The following NMD3 variants were observed in gnomAD, a reference collection of about 807,000 sequenced individuals.
The protein encoded by NMD3 is NMD3 ribosome export adaptor.
Under a neutral mutation model 73.1 loss-of-function variants are expected in NMD3, and 47 were observed. The ratio of observed to expected loss-of-function variants is 0.64; its 90% CI spans 0.51 to 0.82. NMD3 has a LOEUF of 0.82. Among genes scored for constraint, NMD3 ranks in the 40% least tolerant of loss-of-function variants. The probability of loss-of-function intolerance (pLI) is 0.00; values close to 1 mark genes in which losing one functional copy is unlikely to be tolerated. For missense variants in NMD3, 554 were observed against 612.5 expected, an observed-to-expected ratio of 0.90 and a Z score of 1.01; for synonymous variants, 210 against 194.5, an observed-to-expected ratio of 1.08 and a Z score of -0.66.
intron 7 of NMD3, among the ~76,000 whole-genome samples, chr3:161,237,418 A>G (rs1029816296): frequency 6.6e-6 from 1 of 151,326 alleles, no homozygotes; most frequent in South Asian, 2.1e-4. Flanking sequence ...CAATGATTGT[A>G]TGTGTTAATA....
chr3:161,233,877 G>A (rs1736636536), intron 5 of NMD3, among the ~76,000 whole-genome samples: 1 of 152,062 alleles, frequency 6.6e-6, no homozygotes, highest in Non-Finnish European at 1.5e-5. Context: ...TCAGATTTTG[G>A]ATTTTTTGGA....
chr3:161,234,979 A>C (rs1736699660), intron 6 of NMD3, 124 bp downstream of exon 6: 10 of 1,010,896 alleles, frequency 9.9e-6, no homozygotes, highest in Non-Finnish European at 1.5e-5. Context: ...TTGGAAATAG[A>C]TCATTATTAC....
chr3:161,227,699 G>A (rs970831578), intron 4 of NMD3, among the ~76,000 whole-genome samples: 4 of 151,684 alleles, frequency 2.6e-5, no homozygotes, highest in South Asian at 2.1e-4. Flanking sequence ...TGCCTGCCTC[G>A]GCCTCCCAAA....
At chr3:161,242,388 A>C in intron 10 of NMD3, 120 bp from the exon 11 acceptor site, 1 of 826,584 alleles carries the variant, frequency 1.2e-6, no homozygotes, top group Non-Finnish European at 1.9e-6. Context: ...GTGAGTTGAC[A>C]CTAGTTCTGT....
At chr3:161,252,755 A>AT (rs755323261), downstream of NMD3, 1,734 of 642,194 alleles carry the variant, frequency 2.7e-3, 2 homozygotes, top group South Asian at 5.1e-3. Context: ...CATTATGACC[A>AT]TTTTTTTTTG....
chr3:161,238,064 A>G (rs1736831216), intron 7 of NMD3, 49 bp from the exon 8 acceptor site: 2 of 1,236,510 alleles, frequency 1.6e-6, no homozygotes, highest in African/African-American at 1.5e-5. Flanking sequence ...GTAGAGGAGA[A>G]TCCTATTTTG....
chr3:161,242,579 G>C lies in NMD3; in HGVS notation c.943G>C (p.Glu315Gln), dbSNP rs1244057360. ...TTTATGTCATCCCAAACAGCTAGAG[G>C]AGTTTATTGTGATGGAATGCAGCAT... is the stretch of plus-strand genomic sequence containing the variant. ...NSLCHPKQLE[E>Q]FIVMECSIVQ... Residue 315 changes from glutamate (E) to glutamine (Q), a missense_variant, in exon 11 of 16, where the codon GAG becomes CAG. Transcript: ENST00000351193. 2 of 1,613,438 alleles carry C rather than the reference G, an allele frequency of 1.2e-6. No individual in the cohort carries two copies. The highest frequency in any genetic ancestry group is 1.1e-5 in the South Asian group (1 of 91,044).
At position 161,225,836 on chromosome 3, in the gene NMD3, G is replaced by A. The variant is rs145411421; in HGVS notation, c.179+772G>A. 4.3e-3 allele frequency among the ~76,000 whole-genome samples: 649 copies of A among 151,946 alleles called. 5 individuals carry two copies. Among genetic ancestry groups the A allele is most frequent in the African/African-American group, 0.015 (626 of 41,406 alleles). On this transcript the variant is annotated intron_variant, in intron 3 of 15. Transcript: ENST00000351193. ...TACATGTATATATATGTGTGTGTGT[G>A]TGTATATATGTAAAAATATATATGT...
At chr3:161,228,064 A>T (rs1358157918) in intron 4 of NMD3, among the ~76,000 whole-genome samples, 4 of 115,604 alleles carry the variant, frequency 3.5e-5, no homozygotes, top group Non-Finnish European at 5.9e-5. Flanking sequence ...TAAATGTATT[A>T]AAAAAAATAG....
rs772898438 is a variant in NMD3 at position 161,246,443 on chromosome 3, G to T, written c.1125G>T (p.Val375=). ...ATCTTCTAAATCCCGGAGACCTGGT[G>T]TTAGGGTTTGTATTATTTCATATTT... ...LGHLLNPGDL[V]LGFDLANCNL... The change falls in exon 12 of 16, where the codon GTG becomes GTT. Residue 375 remains valine, a synonymous_variant. Coordinates refer to ENST00000351193, the MANE Select transcript of NMD3 (RefSeq NM_015938.5). The T allele has an allele frequency of 2.1e-6, 3 of 1,405,528 alleles. No individual in the cohort carries two copies. The East Asian group carries it at 7.0e-5, about 33-fold the overall frequency. 87.1% of individuals were successfully genotyped at this position (1,405,528 alleles called of 1,614,324 possible).
At chr3:161,235,427 A>G (rs1736721118) in intron 7 of NMD3, 1 of 318,608 alleles carries the variant, frequency 3.1e-6, no homozygotes, top group African/African-American at 2.2e-5. Flanking sequence ...AAATGTGGCT[A>G]GAGCAACTGA....
At chr3:161,242,197 A>G (rs1737009954) in intron 10 of NMD3, among the ~76,000 whole-genome samples, 2 of 152,160 alleles carry the variant, frequency 1.3e-5, no homozygotes, top group South Asian at 4.1e-4. Flanking sequence ...TTTCTAAAAT[A>G]AAGTGCCAGC....
At chr3:161,234,939 G>T in intron 6 of NMD3, 84 bp downstream of exon 6, 1 of 1,384,766 alleles carries the variant, frequency 7.2e-7, no homozygotes, top group Non-Finnish European at 1.0e-6. Flanking sequence ...CTAAATCCAG[G>T]GATAGTCTGG....
intron 7 of NMD3, among the ~76,000 whole-genome samples, chr3:161,236,619 G>A (rs1009004996): frequency 2.0e-5 from 3 of 152,036 alleles, no homozygotes; most frequent in African/African-American, 7.2e-5. Flanking sequence ...TGGTTTTGGG[G>A]TTATGCTTAA....
At chr3:161,245,749 C>CTA (rs1164401391) in intron 11 of NMD3, among the ~76,000 whole-genome samples, 2 of 151,384 alleles carry the variant, frequency 1.3e-5, no homozygotes, top group Non-Finnish European at 1.5e-5. Context: ...GTTGTTTCTG[C>CTA]TATATATATA....
In NMD3 at chr3:161,251,102, A is replaced by T; in HGVS notation, c.*192A>T. 1 of 442,872 alleles carries T rather than the reference A, an allele frequency of 2.3e-6. No individual in the cohort carries two copies. Among genetic ancestry groups the T allele is most frequent in the Non-Finnish European group, 4.1e-6 (1 of 246,594 alleles). 27.4% of individuals were successfully genotyped at this position (442,872 alleles called of 1,614,324 possible). ...TAGCTTTGAGGTTTTAGATAAGGAA[A>T]GATTATGGAGAATGTAGTTGTTATT... is the stretch of plus-strand genomic sequence containing the variant. On this transcript the variant is annotated 3_prime_UTR_variant, in exon 16 of 16. Coordinates refer to ENST00000351193, the MANE Select transcript of NMD3 (RefSeq NM_015938.5).
chr3:161,229,347 A>G (rs56174161), intron 4 of NMD3, among the ~76,000 whole-genome samples: 11,099 of 152,264 alleles, frequency 0.073, 620 homozygotes, highest in South Asian at 0.18. Context: ...TGGATCAGCA[A>G]TGGAGGTGGT....
At chr3:161,229,142 G>T (rs1172975654) in intron 4 of NMD3, among the ~76,000 whole-genome samples, 2 of 152,210 alleles carry the variant, frequency 1.3e-5, no homozygotes, top group East Asian at 3.8e-4. Context: ...AAAAGTCATG[G>T]AAGGCCACAG....
In NMD3 at chr3:161,242,495, T is replaced by TA. The variant is rs745945763; in HGVS notation, c.872-13_872-12insA. 6.2e-7 allele frequency: 1 copy of TA among 1,608,090 alleles called. No homozygotes were observed. Among genetic ancestry groups the TA allele is most frequent in the African/African-American group, 1.3e-5 (1 of 74,892 alleles). ...ATTTTTCTTATGTTTTTGTGTTCTA[T>TA]CCTTATTTTTAGTGGCAGATATTGA... On this transcript the variant is annotated splice_polypyrimidine_tract_variant and intron_variant, in intron 10 of 15. Coordinates refer to ENST00000351193, the MANE Select transcript of NMD3 (RefSeq NM_015938.5).
Sources: gnomAD v4.1 joint callset for allele counts (sites outside exome capture counted in the v4.1 genomes callset) on GRCh38, gnomAD v4.1.1 for gene constraint, MANE v1.5 for transcripts, NCBI Gene and HGNC (gene_info 2026-07-23, HGNC 2026-07-21) for gene names.